The following EVA1A variants were observed in gnomAD, a reference collection of about 807,000 sequenced individuals.
The protein encoded by EVA1A is protein eva-1 homolog A.
Under a neutral mutation model 9.8 loss-of-function variants are expected in EVA1A, and 7 were observed. The observed-to-expected ratio is 0.71, with a 90% CI of 0.41 to 1.34. EVA1A has a LOEUF of 1.34. Among genes scored for constraint, EVA1A ranks in the 40% most tolerant of loss-of-function variants. The probability of loss-of-function intolerance (pLI) is 0.01; values close to 1 mark genes in which losing one functional copy is unlikely to be tolerated. For missense variants in EVA1A, 206 were observed against 205.9 expected (o/e 1.00, Z 0.00); for synonymous variants, 90 against 85.6 (o/e 1.05, Z -0.28).
chr2:75,503,843 AT>A lies in EVA1A; in HGVS notation c.86-10235del, dbSNP rs543330866. ...ATATACAGTTAGATAGAAGAAATAA[AT>A]TCAATGTTTGATAACAGAGCAGGGT... On this transcript the variant is annotated intron_variant, in intron 3 of 3. Transcript: ENST00000393913. Among the ~76,000 whole-genome samples, 154 of 152,236 alleles carry A rather than the reference AT, an allele frequency of 1.0e-3. 3 individuals carry two copies. Among genetic ancestry groups the A allele is most frequent in the African/African-American group, 3.6e-3 (150 of 41,536 alleles).
intron 1 of EVA1A, among the ~76,000 whole-genome samples, chr2:75,559,698 G>GGT (rs1553422513): frequency 9.5e-5 from 1 of 10,522 alleles, no homozygotes; most frequent in Admixed American, 1.3e-3. Flanking sequence ...GAAAGGAGGT[G>GGT]GGGGGGGGGC....
At position 75,508,768 on chromosome 2, in the gene EVA1A, T is replaced by A. The variant is rs372670360; in HGVS notation, c.85+9288A>T. Among the ~76,000 whole-genome samples, 57 of 152,236 alleles carry A rather than the reference T, an allele frequency of 3.7e-4. 6 individuals carry two copies. Among genetic ancestry groups the A allele is most frequent in the Admixed American group, 1.8e-3 (27 of 15,286 alleles). On this transcript the variant is annotated intron_variant, in intron 3 of 3. Coordinates refer to ENST00000393913, the MANE Select transcript of EVA1A (RefSeq NM_001135032.2). ...GGGGGCATCACAGAACCTACCGACA[T>A]GTGATGTCTCCCCCGGATGCCCAGC...
chr2:75,559,149 T>G (rs1676825633), intron 1 of EVA1A, among the ~76,000 whole-genome samples: 1 of 152,188 alleles, frequency 6.6e-6, no homozygotes, highest in Non-Finnish European at 1.5e-5. Flanking sequence ...TAGATAATTC[T>G]TAAATCTTGG....
intron 1 of EVA1A, among the ~76,000 whole-genome samples, chr2:75,551,764 G>A (rs34644221): frequency 0.17 from 26,117 of 152,132 alleles, 2,347 homozygotes; most frequent in Middle Eastern, 0.21. Flanking sequence ...ATTAATACAC[G>A]TAAAGTGTTT....
chr2:75,540,470 C>A (rs1676070989), intron 1 of EVA1A, among the ~76,000 whole-genome samples: 1 of 152,126 alleles, frequency 6.6e-6, no homozygotes, highest in Admixed American at 6.5e-5. Flanking sequence ...TTGTATAAAG[C>A]AAATGTTGAG....
chr2:75,535,085 GA>G lies in EVA1A; in HGVS notation c.-191-12599del, dbSNP rs567942141. 4.0e-5 allele frequency among the ~76,000 whole-genome samples: 6 copies of G among 149,342 alleles called. No individual in the cohort carries two copies. The South Asian group carries it at 6.3e-4, about 16-fold the overall frequency. On this transcript the variant is annotated intron_variant, in intron 1 of 3. Coordinates refer to ENST00000393913, the MANE Select transcript of EVA1A (RefSeq NM_001135032.2). ...CCAAGGAAGTCAAACAAATCAGCAA[GA>G]AAAAAAAATCCCATTAAAAAGTGGG...
chr2:75,495,902 T>A (rs781154476), intron 3 of EVA1A, among the ~76,000 whole-genome samples: 1 of 152,266 alleles, frequency 6.6e-6, no homozygotes, highest in Non-Finnish European at 1.5e-5. Flanking sequence ...TTGTTGGTTG[T>A]CTTTTATGAA....
intron 1 of EVA1A, among the ~76,000 whole-genome samples, chr2:75,538,943 T>C (rs1394378737): frequency 6.6e-6 from 1 of 152,200 alleles, no homozygotes; most frequent in East Asian, 1.9e-4. Context: ...AATGTCAACA[T>C]CCCGGTTGTG....
chr2:75,504,406 G>A (rs1490565127), intron 3 of EVA1A, among the ~76,000 whole-genome samples: 2 of 152,006 alleles, frequency 1.3e-5, no homozygotes, highest in African/African-American at 2.4e-5. Flanking sequence ...GTAAGACTCT[G>A]CCTCAAACAA....
intron 1 of EVA1A, among the ~76,000 whole-genome samples, chr2:75,567,652 A>G (rs1167868216): frequency 6.6e-6 from 1 of 152,210 alleles, no homozygotes; most frequent in Admixed American, 6.5e-5. Flanking sequence ...TCTTCCATTC[A>G]TAGATTTCAT....
chr2:75,562,043 C>G (rs976584933), upstream of EVA1A, among the ~76,000 whole-genome samples: 3 of 152,182 alleles, frequency 2.0e-5, no homozygotes, highest in African/African-American at 2.4e-5. Flanking sequence ...ACTAACACCA[C>G]ATGGAAGCTT....
chr2:75,517,664 C>A, intron 3 of EVA1A: 1 of 628,124 alleles, frequency 1.6e-6, no homozygotes, highest in Non-Finnish European at 2.9e-6. Context: ...CTCTCTCTCC[C>A]ACACACACAG....
At chr2:75,540,868 A>C (rs1676090711) in intron 1 of EVA1A, 2 of 152,220 alleles carry the variant, frequency 1.3e-5, no homozygotes, top group Admixed American at 1.3e-4. Flanking sequence ...GTATAACATA[A>C]AGGCAGGTGT....
intron 3 of EVA1A, among the ~76,000 whole-genome samples, chr2:75,501,058 A>G (rs1674401127): frequency 6.6e-6 from 1 of 150,644 alleles, no homozygotes; most frequent in Non-Finnish European, 1.5e-5. Flanking sequence ...CAAGGCTGTC[A>G]GAAATCTGGT....
At chr2:75,523,158 T>C (rs1675291593) in intron 1 of EVA1A, among the ~76,000 whole-genome samples, 1 of 152,234 alleles carries the variant, frequency 6.6e-6, no homozygotes, top group Non-Finnish European at 1.5e-5. Context: ...CCAACTACTG[T>C]GGCTTCCGAC....
chr2:75,520,315 T>C (rs1397398227), intron 2 of EVA1A, among the ~76,000 whole-genome samples: 1 of 106,328 alleles, frequency 9.4e-6, no homozygotes, highest in Non-Finnish European at 1.8e-5. Flanking sequence ...AAAATCTCAA[T>C]GATGTTTTTG....
chr2:75,521,551 T>G (rs1675229996), intron 2 of EVA1A, among the ~76,000 whole-genome samples: 1 of 152,198 alleles, frequency 6.6e-6, no homozygotes, highest in Admixed American at 6.5e-5. Context: ...GACATTAGGC[T>G]AAGTGAAATA....
chr2:75,554,318 G>A (rs1225127708), intron 1 of EVA1A, among the ~76,000 whole-genome samples: 2 of 152,242 alleles, frequency 1.3e-5, no homozygotes, highest in East Asian at 1.9e-4. Flanking sequence ...TCACCATGGA[G>A]GGCAAAGTGC....
intron 1 of EVA1A, among the ~76,000 whole-genome samples, chr2:75,538,105 T>C (rs1185150367): frequency 2.0e-5 from 3 of 151,930 alleles, no homozygotes; most frequent in African/African-American, 4.8e-5. Context: ...GCCTGACCAA[T>C]ATGGTGAAAC....
Sources: allele counts gnomAD v4.1 joint callset (sites outside exome capture counted in the v4.1 genomes callset), GRCh38; gene constraint gnomAD v4.1.1; transcripts MANE v1.5; gene names NCBI Gene and HGNC (gene_info 2026-07-23, HGNC 2026-07-21).